Variants in MYO1A observed in about 807,000 individuals in gnomAD.
MYO1A encodes myosin IA.
In MYO1A, 127 loss-of-function variants were observed where a neutral mutation model predicts 138.5. The ratio of observed to expected loss-of-function variants is 0.92; its 90% CI spans 0.79 to 1.06. MYO1A has a LOEUF of 1.06. MYO1A is among the 50% of genes least tolerant of loss of function. The probability of loss-of-function intolerance (pLI) is 0.00; values close to 1 mark genes in which losing one functional copy is unlikely to be tolerated. For synonymous variants in MYO1A, 477 were observed against 497.5 expected, an observed-to-expected ratio of 0.96 and a Z score of 0.55; for missense variants, 1,211 against 1,288.8, an observed-to-expected ratio of 0.94 and a Z score of 0.92.
Position 57,036,308 on chromosome 12 carries a change from A to G in MYO1A, c.2348T>C (p.Met783Thr). The G allele has an allele frequency of 1.2e-6, 2 of 1,613,376 alleles. No individual in the cohort carries two copies. Among genetic ancestry groups the G allele is most frequent in the Non-Finnish European group, 8.5e-7 (1 of 1,179,554 alleles). Residue 783 changes from methionine to threonine, a missense_variant and splice_region_variant, in exon 22 of 28, where the codon ATG becomes ACG. By Grantham distance (81) the Met-to-Thr change is moderately conservative. Transcript: ENST00000300119. ...LTLADFIYKSMVQKFLLGLKN... is the reference protein window; with the variant it reads ...LTLADFIYKSTVQKFLLGLKN... ...TCCACCCTAACCCCTACCACTTACCATGCTCTTGTAGATGAAATCTGCCAA... is the reference window on the plus strand; with the variant it reads ...TCCACCCTAACCCCTACCACTTACCGTGCTCTTGTAGATGAAATCTGCCAA...
intron 22 of MYO1A, among the ~76,000 whole-genome samples, chr12:57,032,622 G>A (rs564654064): frequency 2.0e-5 from 3 of 152,134 alleles, no homozygotes; most frequent in Non-Finnish European, 2.9e-5. Context: ...GGTGGAGGTT[G>A]CAGTGAGCCA....
chr12:57,039,547 G>A (rs2030764038), intron 14 of MYO1A: 2 of 474,802 alleles, frequency 4.2e-6, no homozygotes, highest in Admixed American at 3.3e-5. Flanking sequence ...AGGGTGGAGA[G>A]GGAAGTGTAA....
intron 7 of MYO1A, 77 bp downstream of exon 7, chr12:57,046,786 T>C (rs2031113628): frequency 2.6e-6 from 4 of 1,559,590 alleles, no homozygotes; most frequent in Non-Finnish European, 3.5e-6. Flanking sequence ...ATTCTGCCTT[T>C]CTACAGGAAC....
At position 57,037,992 on chromosome 12, in the gene MYO1A, C is replaced by A. The variant is rs374371031; in HGVS notation, c.1838G>T (p.Gly613Val). The A allele has an allele frequency of 1.1e-5, 18 of 1,614,050 alleles. No homozygotes were observed. In the African/African-American group the frequency reaches 2.1e-4, roughly 19 times the overall value. Reference sequence around the variant, plus strand: ...TCGCACCCGTACGTTCTCCAGCAGTCCCAGGTACCGAGCCTGGGTTGCCAC... The same window carrying A: ...TCGCACCCGTACGTTCTCCAGCAGTACCAGGTACCGAGCCTGGGTTGCCAC... ...DLVATQARYLGLLENVRVRRA... is the reference protein window; with the variant it reads ...DLVATQARYLVLLENVRVRRA... Residue 613 changes from glycine (G) to valine (V), a missense_variant, in exon 18 of 28, where the codon GGA becomes GTA. Physicochemically the swap from Gly to Val is moderately radical, Grantham distance 109 (BLOSUM62 -3). Coordinates refer to ENST00000300119, the MANE Select transcript of MYO1A (RefSeq NM_005379.4).
At chr12:57,041,647 C>T (rs2030865555) in intron 12 of MYO1A, 150 bp from the exon 13 acceptor site, 10 of 711,750 alleles carry the variant, frequency 1.4e-5, no homozygotes, top group Non-Finnish European at 2.3e-5. Flanking sequence ...TTTTACTCTC[C>T]CTCCTCCACA....
intron 18 of MYO1A, 35 bp from the exon 19 acceptor site, chr12:57,037,676 T>A (rs748687455): frequency 1.3e-6 from 2 of 1,594,718 alleles, no homozygotes; most frequent in East Asian, 2.2e-5. Flanking sequence ...TGCAGAGGGG[T>A]ATCTCAGGAG....
chr12:57,036,715 A>T, intron 21 of MYO1A, 57 bp downstream of exon 21: 1 of 1,594,476 alleles, frequency 6.3e-7, no homozygotes, highest in Non-Finnish European at 8.6e-7. Flanking sequence ...TCTAGCCAGC[A>T]GGTGACACAA....
chr12:57,043,409 G>C, intron 10 of MYO1A, 51 bp from the exon 11 acceptor site: 1 of 1,541,996 alleles, frequency 6.5e-7, no homozygotes, highest in East Asian at 2.2e-5. Context: ...TTTCTCTCAG[G>C]GGAGGGAGTG....
intron 22 of MYO1A, among the ~76,000 whole-genome samples, chr12:57,035,239 G>T (rs1254348365): frequency 6.6e-6 from 1 of 152,150 alleles, no homozygotes; most frequent in African/African-American, 2.4e-5. Context: ...TCAGATTACA[G>T]GTCTCAGGTG....
Position 57,036,314 on chromosome 12 carries a change from T to C in MYO1A, c.2342A>G (p.Lys781Arg), listed in dbSNP as rs1387067270. The C allele has an allele frequency of 1.9e-6, 3 of 1,613,662 alleles. No individual in the cohort carries two copies. The highest frequency in any genetic ancestry group is 2.5e-6 in the Non-Finnish European group (3 of 1,179,732). ...CTAACCCCTACCACTTACCATGCTC[T>C]TGTAGATGAAATCTGCCAAGGTGAG... ...AALTLADFIY[K>R]SMVQKFLLGL... Residue 781 changes from lysine (K) to arginine (R), a missense_variant, in exon 22 of 28, where the codon AAG becomes AGG. By Grantham distance (26) the Lys-to-Arg change is conservative. Transcript: ENST00000300119.
rs1592476665 is a variant in MYO1A at position 57,038,834 on chromosome 12, A to G, written c.1508T>C (p.Phe503Ser). The G allele has an allele frequency of 6.2e-7, 1 of 1,614,106 alleles. No individual in the cohort carries two copies. Among genetic ancestry groups the G allele is most frequent in the Non-Finnish European group, 8.5e-7 (1 of 1,180,034 alleles). ...QYDHTMGLSC[F>S]RICHYAGKVT... ...CTTGCCCGCATAGTGGCAGATGCGGAAGCAGCTGAGGCCCATGGTGTGGTC... is the reference window on the plus strand; with the variant it reads ...CTTGCCCGCATAGTGGCAGATGCGGGAGCAGCTGAGGCCCATGGTGTGGTC... The change falls in exon 16 of 28, where the codon TTC becomes TCC. Residue 503 changes from phenylalanine (F) to serine (S), a missense_variant. By Grantham distance (155) the Phe-to-Ser change is radical (BLOSUM62 -2). Transcript: ENST00000300119.
intron 16 of MYO1A, 85 bp downstream of exon 16, chr12:57,038,724 A>G (rs2030710167): frequency 1.2e-6 from 2 of 1,606,998 alleles, no homozygotes; most frequent in Admixed American, 3.3e-5. Flanking sequence ...AGTATTCCAG[A>G]CTCTCACCTT....
At chr12:57,045,617 G>T (rs996907847) in intron 8 of MYO1A, among the ~76,000 whole-genome samples, 23 of 152,198 alleles carry the variant, frequency 1.5e-4, no homozygotes. Context: ...ATCTCCAAGA[G>T]TGGAAAAGGA....
intron 8 of MYO1A, among the ~76,000 whole-genome samples, chr12:57,045,417 G>A (rs1369831965): frequency 2.0e-5 from 3 of 152,094 alleles, no homozygotes; most frequent in Non-Finnish European, 4.4e-5. Context: ...GTATCTGGAG[G>A]GAGAATGAGT....
intron 22 of MYO1A, among the ~76,000 whole-genome samples, chr12:57,035,139 G>A (rs1448073883): frequency 2.6e-5 from 4 of 152,172 alleles, no homozygotes; most frequent in South Asian, 4.1e-4. Flanking sequence ...TCTAAACCCA[G>A]CAGCTTCTGG....
rs761266121 is a variant in MYO1A, at chr12:57,036,986, G to A, written c.2161C>T (p.Arg721Ter). 1.5e-5 allele frequency: 25 copies of A among 1,614,028 alleles called. No individual in the cohort carries two copies. Among genetic ancestry groups the A allele is most frequent in the Admixed American group, 1.0e-4 (6 of 59,998 alleles). ...GAGGAGATGAGGATCTGACTCTTTC[G>A]CATCAGTTGGTAGTGGGTGCGGCAG... ...WRCRTHYQLMRKSQILISSWF... is the reference protein window; with the variant it reads ...WRCRTHYQLM Residue 721 changes from arginine (R) to a stop codon, truncating the protein, a stop_gained, in exon 20 of 28, where the codon CGA becomes TGA. Coordinates refer to ENST00000300119, the MANE Select transcript of MYO1A (RefSeq NM_005379.4). LOFTEE classifies it high-confidence loss of function.
intron 2 of MYO1A, 25 bp from the exon 3 acceptor site, chr12:57,048,129 G>T (rs745500440): frequency 1.2e-6 from 2 of 1,607,966 alleles, no homozygotes; most frequent in South Asian, 2.2e-5. Flanking sequence ...AAGGTGAAGG[G>T]AATGAGCTTG....
rs1357035038 is a variant in MYO1A at position 57,037,773 on chromosome 12, C to G, written c.1961+96G>C. 2.0e-6 allele frequency: 3 copies of G among 1,506,328 alleles called. No individual in the cohort carries two copies. The African/African-American group carries it at 4.1e-5, about 21-fold the overall frequency. The allele number at this position is 1,506,328 out of a possible 1,614,324, so 93.3% of individuals were successfully genotyped here. A position where few individuals can be genotyped will look rare whatever the true frequency, so the allele number is the denominator to read the frequency against. Reference sequence around the variant, plus strand: ...TTTCTCAAAGTATCCATTCACCCAGCTTCAGCAGATGTGCACTGCACCTCC... The same window carrying G: ...TTTCTCAAAGTATCCATTCACCCAGGTTCAGCAGATGTGCACTGCACCTCC... On this transcript the variant is annotated intron_variant, in intron 18 of 27. Transcript: ENST00000300119.
At chr12:57,048,434 C>A in intron 1 of MYO1A, 91 bp from the exon 2 acceptor site, 4 of 802,820 alleles carry the variant, frequency 5.0e-6, no homozygotes, top group Non-Finnish European at 8.6e-6. Context: ...ACCAAAAGAG[C>A]CTTCCTCTCT....
Sources: allele counts gnomAD v4.1 joint callset (sites outside exome capture counted in the v4.1 genomes callset), GRCh38; gene constraint gnomAD v4.1.1; transcripts MANE v1.5; gene names NCBI Gene and HGNC (gene_info 2026-07-23, HGNC 2026-07-21).